Variants in UNC5B observed in about 807,000 individuals in gnomAD.
UNC5B encodes the protein unc-5 netrin receptor B.
A neutral mutation model predicts 103.7 loss-of-function variants in UNC5B; 56 were observed. That is an observed-to-expected ratio of 0.54 (90% CI 0.44 to 0.67). UNC5B has a LOEUF of 0.67. Ranked by LOEUF, UNC5B falls within the 30% of genes least tolerant of loss-of-function variation. The pLI is 0.00. For synonymous variants in UNC5B, 577 were observed against 542.0 expected, an observed-to-expected ratio of 1.06 and a Z score of -0.90; for missense variants, 1,194 against 1,284.5, an observed-to-expected ratio of 0.93 and a Z score of 1.08.
In UNC5B at chr10:71,213,673, A is replaced by AT. The variant is rs1215557737; in HGVS notation, c.79+609_79+610insT. ...AGATCGCTGGGCCCGCAGGTCTGGA[A>AT]GAATTATTATTATTATTATTATTAT... On this transcript the variant is annotated intron_variant, in intron 1 of 16. Transcript: ENST00000335350. This position sits in a 1 kb window ranked among gnomAD's most constrained non-coding sequence, Gnocchi z 4.1. Among the ~76,000 whole-genome samples the AT allele has an allele frequency of 5.2e-5, 7 of 134,824 alleles. No homozygotes were observed. The East Asian group carries it at 1.1e-3, about 21-fold the overall frequency. 88.4% of individuals were successfully genotyped at this position (134,824 alleles called of 152,430 possible).
intron 2 of UNC5B, among the ~76,000 whole-genome samples, chr10:71,281,817 G>A (rs1844937893): frequency 6.6e-6 from 1 of 152,204 alleles, no homozygotes; most frequent in Non-Finnish European, 1.5e-5. Flanking sequence ...CGTACACATA[G>A]CACAGAACAG....
At chr10:71,284,586 G>A in intron 2 of UNC5B, 134 bp from the exon 3 acceptor site, 2 of 1,308,486 alleles carry the variant, frequency 1.5e-6, no homozygotes, top group South Asian at 1.4e-5. Flanking sequence ...GTGGAGACAG[G>A]AGACAAGAGG....
intron 2 of UNC5B, 139 bp downstream of exon 2, chr10:71,280,184 C>A: frequency 1.0e-6 from 1 of 963,546 alleles, no homozygotes; most frequent in Non-Finnish European, 1.5e-6. Flanking sequence ...ATGTCCCAGC[C>A]TGACTTTGGG....
At position 71,258,119 on chromosome 10, in the gene UNC5B, C is replaced by T. The variant is rs371020878; in HGVS notation, c.80-21702C>T. The stretch of plus-strand genomic sequence containing the variant: ...AGGGACTGTTAGCCCATTTTACAGG[C>T]GGAGAAACCAAGGCCAGGGAGACAA... On this transcript the variant is annotated intron_variant, in intron 1 of 16. Transcript: ENST00000335350. Among the ~76,000 whole-genome samples the T allele has an allele frequency of 1.5e-4, 23 of 152,340 alleles. No homozygotes were observed. In the East Asian group the frequency reaches 2.3e-3, roughly 15 times the overall value.
At chr10:71,277,338 G>A (rs1382882946) in intron 1 of UNC5B, among the ~76,000 whole-genome samples, 1 of 152,252 alleles carries the variant, frequency 6.6e-6, no homozygotes, top group African/African-American at 2.4e-5. Flanking sequence ...TGAGCTGCCT[G>A]AGGCCAGCAA....
At chr10:71,294,542 C>G (rs1180806728) in intron 13 of UNC5B, among the ~76,000 whole-genome samples, 1 of 152,016 alleles carries the variant, frequency 6.6e-6, no homozygotes, top group African/African-American at 2.4e-5. Flanking sequence ...TGTTGGGAAG[C>G]TGGGGTTGGA....
At chr10:71,279,671 G>A (rs1589189264) in intron 1 of UNC5B, 150 bp from the exon 2 acceptor site, 7 of 753,376 alleles carry the variant, frequency 9.3e-6, no homozygotes, top group South Asian at 3.7e-5. Context: ...ACTTGACCCC[G>A]GTTGCAGATT....
chr10:71,295,753 G>T, intron 13 of UNC5B, 58 bp from the exon 14 acceptor site: 1 of 1,580,968 alleles, frequency 6.3e-7, no homozygotes. Flanking sequence ...CAGTGCCACA[G>T]AAGAGGCCCA....
At chr10:71,284,389 G>A (rs1845008780) in intron 2 of UNC5B, among the ~76,000 whole-genome samples, 1 of 152,190 alleles carries the variant, frequency 6.6e-6, no homozygotes. Context: ...CCACTCCTGG[G>A]GATGACCCTA....
intron 1 of UNC5B, among the ~76,000 whole-genome samples, chr10:71,247,004 C>G (rs1844053487): frequency 6.6e-6 from 1 of 152,212 alleles, no homozygotes; most frequent in African/African-American, 2.4e-5. Flanking sequence ...GATCACGCCC[C>G]TGCTACCTGG....
At chr10:71,232,934 G>A (rs1843710812) in intron 1 of UNC5B, among the ~76,000 whole-genome samples, 1 of 152,238 alleles carries the variant, frequency 6.6e-6, no homozygotes, top group East Asian at 1.9e-4. Flanking sequence ...CCAAAGCTCA[G>A]GGAGCTTGAG....
At chr10:71,259,795 C>T (rs79913058) in intron 1 of UNC5B, among the ~76,000 whole-genome samples, 8,844 of 152,098 alleles carry the variant, frequency 0.058, 354 homozygotes, top group Non-Finnish European at 0.082. Context: ...CATAGCCAGG[C>T]TCAGCCAGGT....
chr10:71,280,916 G>A (rs1844909387), intron 2 of UNC5B, among the ~76,000 whole-genome samples: 1 of 152,220 alleles, frequency 6.6e-6, no homozygotes, highest in Non-Finnish European at 1.5e-5. Context: ...GCCTTCCTGG[G>A]TTTTGTTTTG....
intron 1 of UNC5B, among the ~76,000 whole-genome samples, chr10:71,257,596 C>T (rs547167564): frequency 2.6e-5 from 4 of 152,328 alleles, no homozygotes; most frequent in South Asian, 2.1e-4. Flanking sequence ...AGGAGCGCCT[C>T]GGTGGTGAGC....
chr10:71,293,319 C>T, intron 11 of UNC5B, 86 bp from the exon 12 acceptor site: 1 of 1,468,820 alleles, frequency 6.8e-7, no homozygotes, highest in Non-Finnish European at 9.2e-7. Context: ...ACCTCCCGGG[C>T]CCTGGGCAGA....
intron 1 of UNC5B, among the ~76,000 whole-genome samples, chr10:71,256,913 GA>G (rs1442171075): frequency 2.6e-5 from 4 of 152,364 alleles, no homozygotes; most frequent in African/African-American, 9.6e-5. Flanking sequence ...AGCCGGTGTG[GA>G]GTGGAGAGGA....
rs561620287 is a variant in UNC5B, at chr10:71,288,053, A to G, written c.901+288A>G. Reference sequence around the variant, plus strand: ...CAAGCTGAGGGTTCTCAGTGTCAGCATGTCAGCCCCAGGCCAAGGTTTCAG... The same window carrying G: ...CAAGCTGAGGGTTCTCAGTGTCAGCGTGTCAGCCCCAGGCCAAGGTTTCAG... On this transcript the variant is annotated intron_variant, in intron 6 of 16. Transcript: ENST00000335350. Among the ~76,000 whole-genome samples, 4 of 152,260 alleles carry G rather than the reference A, an allele frequency of 2.6e-5. No individual in the cohort carries two copies. The South Asian group carries it at 8.3e-4, about 32-fold the overall frequency.
At chr10:71,297,230 C>T (rs1290722701) in intron 15 of UNC5B, among the ~76,000 whole-genome samples, 1 of 152,180 alleles carries the variant, frequency 6.6e-6, no homozygotes, top group Non-Finnish European at 1.5e-5. Flanking sequence ...GAGTGCCATT[C>T]ACATGCTTGG....
At chr10:71,214,341 CTT>C (rs769157975) in intron 1 of UNC5B, among the ~76,000 whole-genome samples, 61 of 145,740 alleles carry the variant, frequency 4.2e-4, no homozygotes, top group African/African-American at 1.3e-3. Flanking sequence ...ACATTCCCCA[CTT>C]TTTTTTTTTT....
Sources: allele counts gnomAD v4.1 joint callset (sites outside exome capture counted in the v4.1 genomes callset), GRCh38; gene constraint gnomAD v4.1.1; non-coding constraint Gnocchi (gnomAD v3.1); transcripts MANE v1.5; gene names NCBI Gene and HGNC (gene_info 2026-07-23, HGNC 2026-07-21).